The following SLC4A7 variants were observed in gnomAD, a reference collection of about 807,000 sequenced individuals.
SLC4A7 encodes sodium bicarbonate cotransporter 3.
SLC4A7 carries 51 observed loss-of-function variants against 137.6 expected under a neutral mutation model. The ratio of observed to expected loss-of-function variants is 0.37; its 90% CI spans 0.30 to 0.47. The LOEUF (loss-of-function observed/expected upper bound fraction) is 0.47, where lower values mean the gene tolerates loss of function less well. SLC4A7 is among the 20% of genes least tolerant of loss of function. The pLI is 1.00. For synonymous variants in SLC4A7, 542 were observed against 518.6 expected (o/e 1.05, Z -0.61); for missense variants, 1,247 against 1,525.4 (o/e 0.82, Z 3.04).
At chr3:27,474,450 A>G (rs1381685054) in intron 1 of SLC4A7, among the ~76,000 whole-genome samples, 1 of 152,214 alleles carries the variant, frequency 6.6e-6, no homozygotes, top group Admixed American at 6.5e-5. Flanking sequence ...TAAATCATTT[A>G]AAGGTAATCC....
chr3:27,434,525 C>T (rs560154719), intron 5 of SLC4A7, among the ~76,000 whole-genome samples: 2 of 152,114 alleles, frequency 1.3e-5, no homozygotes, highest in African/African-American at 2.4e-5. Context: ...ATTCACTGAG[C>T]GTCCGCTGTG....
chr3:27,448,794 T>C lies in SLC4A7; in HGVS notation c.146A>G (p.His49Arg). ...GTGAACACCAATATATACAGCTCTATGACCTATTAAAAGGTTCAGAAACAT... is the reference window on the plus strand; with the variant it reads ...GTGAACACCAATATATACAGCTCTACGACCTATTAAAAGGTTCAGAAACAT... ...TKFEKEELES[H>R]RAVYIGVHVP... The change falls in exon 3 of 26, where the codon CAT becomes CGT. Residue 49 changes from histidine (H) to arginine (R), a missense_variant. This residue lies in a region of SLC4A7 where 176 missense variants were observed against 186.4 expected (regional missense o/e 0.94). Transcript: ENST00000454389. 1 of 1,589,528 alleles carries C rather than the reference T, an allele frequency of 6.3e-7. No individual in the cohort carries two copies. Among genetic ancestry groups the C allele is most frequent in the Non-Finnish European group, 8.6e-7 (1 of 1,169,128 alleles).
At chr3:27,395,285 T>C (rs9826281) in intron 18 of SLC4A7, among the ~76,000 whole-genome samples, 170 bp from the exon 19 acceptor site, 2 of 152,164 alleles carry the variant, frequency 1.3e-5, no homozygotes, top group African/African-American at 4.8e-5. Flanking sequence ...ATTCTTCCTA[T>C]CCCTATAACT....
intron 1 of SLC4A7, among the ~76,000 whole-genome samples, chr3:27,475,437 T>C (rs918900393): frequency 6.6e-6 from 1 of 151,848 alleles, no homozygotes; most frequent in Non-Finnish European, 1.5e-5. Flanking sequence ...AGTGGCATAT[T>C]AGAAATAGGG....
intron 2 of SLC4A7, 28 bp from the exon 3 acceptor site, chr3:27,448,825 T>C (rs750703991): frequency 3.9e-6 from 6 of 1,533,224 alleles, no homozygotes; most frequent in Non-Finnish European, 5.3e-6. Context: ...AACATATTAC[T>C]AGCTTTCCAA....
intron 11 of SLC4A7, among the ~76,000 whole-genome samples, chr3:27,417,059 G>C (rs1226026550): frequency 1.3e-5 from 2 of 152,118 alleles, no homozygotes; most frequent in African/African-American, 2.4e-5. Flanking sequence ...AAGAGAGCAA[G>C]AACAAGTCTA....
intron 16 of SLC4A7, among the ~76,000 whole-genome samples, chr3:27,399,312 C>T (rs1576206496): frequency 6.6e-6 from 1 of 152,296 alleles, no homozygotes; most frequent in African/African-American, 2.4e-5. Context: ...AGACATCTGA[C>T]CCATCATGAA....
chr3:27,437,829 A>T (rs1268874125), intron 3 of SLC4A7, among the ~76,000 whole-genome samples: 1 of 152,228 alleles, frequency 6.6e-6, no homozygotes, highest in Non-Finnish European at 1.5e-5. Context: ...ACATTCCAAA[A>T]CATGAACATA....
intron 7 of SLC4A7, among the ~76,000 whole-genome samples, chr3:27,427,882 T>A (rs1380889530): frequency 2.6e-5 from 4 of 152,204 alleles, no homozygotes; most frequent in Non-Finnish European, 5.9e-5. Flanking sequence ...GGAAAAAATG[T>A]ATGTTGGATT....
chr3:27,447,266 T>C (rs1208134021), intron 3 of SLC4A7, among the ~76,000 whole-genome samples: 1 of 152,150 alleles, frequency 6.6e-6, no homozygotes, highest in African/African-American at 2.4e-5. Flanking sequence ...AATATTTGTA[T>C]TTTTAAAATG....
chr3:27,437,797 T>C (rs1162943204), intron 3 of SLC4A7, among the ~76,000 whole-genome samples: 2 of 151,890 alleles, frequency 1.3e-5, no homozygotes, highest in African/African-American at 4.8e-5. Flanking sequence ...ATAACTGATC[T>C]AAACAAACAA....
chr3:27,468,662 G>C (rs1424609150), intron 1 of SLC4A7, among the ~76,000 whole-genome samples: 3 of 151,960 alleles, frequency 2.0e-5, no homozygotes, highest in Admixed American at 2.0e-4. Context: ...TACTACGCTG[G>C]GCAGATTACT....
At chr3:27,430,171 T>A (rs573030114) in intron 7 of SLC4A7, among the ~76,000 whole-genome samples, 1 of 152,224 alleles carries the variant, frequency 6.6e-6, no homozygotes, top group Admixed American at 6.5e-5. Flanking sequence ...ATTGTGGCAC[T>A]GCAGTGAGCT....
At chr3:27,428,132 A>T (rs2055850725) in intron 7 of SLC4A7, 1 of 152,482 alleles carries the variant, frequency 6.6e-6, no homozygotes, top group Non-Finnish European at 1.5e-5. Context: ...TAGAATGCTG[A>T]TTACTTCTGA....
intron 1 of SLC4A7, among the ~76,000 whole-genome samples, chr3:27,475,412 G>T (rs1217789125): frequency 6.6e-6 from 1 of 151,264 alleles, no homozygotes; most frequent in Non-Finnish European, 1.5e-5. Flanking sequence ...GCTGTCAGTT[G>T]CCCAAAGCCA....
At chr3:27,411,841 G>T in intron 11 of SLC4A7, 93 bp from the exon 12 acceptor site, 1 of 489,916 alleles carries the variant, frequency 2.0e-6, no homozygotes, top group Non-Finnish European at 3.5e-6. Flanking sequence ...ATTTTATATT[G>T]ATTATGTATC....
At chr3:27,401,804 C>T (rs1576223597) in intron 15 of SLC4A7, among the ~76,000 whole-genome samples, 1 of 151,928 alleles carries the variant, frequency 6.6e-6, no homozygotes, top group African/African-American at 2.4e-5. Flanking sequence ...CTCTAACTGG[C>T]TGACACTAAC....
At chr3:27,443,761 G>C (rs1372184075) in intron 3 of SLC4A7, among the ~76,000 whole-genome samples, 1 of 151,968 alleles carries the variant, frequency 6.6e-6, no homozygotes, top group Non-Finnish European at 1.5e-5. Context: ...GTCCTTACTT[G>C]GCAAAAATCT....
chr3:27,388,920 ACCTC>A (rs762616234), intron 22 of SLC4A7, among the ~76,000 whole-genome samples: 21,456 of 150,598 alleles, frequency 0.14, 2,075 homozygotes, highest in Non-Finnish European at 0.22. Flanking sequence ...AAGTTTATTG[ACCTC>A]TGCTCTAGAT....
Sources: gnomAD v4.1 joint callset for allele counts (sites outside exome capture counted in the v4.1 genomes callset) on GRCh38, gnomAD v4.1.1 for gene constraint, gnomAD v4.1.1 regional missense constraint, MANE v1.5 for transcripts, NCBI Gene and HGNC (gene_info 2026-07-23, HGNC 2026-07-21) for gene names.